BLTP1: variants seen among roughly 807,000 people sequenced by gnomAD.
BLTP1 encodes bridge-like lipid transfer protein family member 1.
the BLTP1 span, chr4:122,246,591 A>G: frequency 2.2e-5 from 31 of 1,423,946 alleles, no homozygotes; most frequent in African/African-American, 2.8e-5. Flanking sequence ...TAGATATGCC[A>G]TTCTTAACAG....
the BLTP1 span, among the ~76,000 whole-genome samples, chr4:122,352,339 T>C: frequency 7.3e-5 from 11 of 151,616 alleles, no homozygotes; most frequent in Admixed American, 3.3e-4. Flanking sequence ...TACAGACATA[T>C]TAGGTTTTGG....
At chr4:122,362,393 A>G in the BLTP1 span, 1 of 632,128 alleles carries the variant, frequency 1.6e-6, no homozygotes, top group South Asian at 2.1e-5. Flanking sequence ...AACCTGTTCT[A>G]GTTCCATCAT....
At chr4:122,209,092 CGTAA>C in the BLTP1 span, 9,424 of 1,420,068 alleles carry the variant, frequency 6.6e-3, 562 homozygotes, top group African/African-American at 0.13. Context: ...CAGGTTTGCC[CGTAA>C]GTATTAACCA....
the BLTP1 span, chr4:122,211,135 G>T: frequency 9.9e-6 from 15 of 1,518,390 alleles, no homozygotes; most frequent in Non-Finnish European, 1.3e-5. Flanking sequence ...TTTAAATATA[G>T]ACAAAGCAAT....
chr4:122,334,489 C>T, the BLTP1 span: 1 of 1,612,748 alleles, frequency 6.2e-7, no homozygotes, highest in Non-Finnish European at 8.5e-7. Context: ...TTACCTTCCA[C>T]TGTCCAGAGC....
chr4:122,209,693 G>A, the BLTP1 span: 2 of 1,215,722 alleles, frequency 1.6e-6, no homozygotes, highest in South Asian at 1.5e-5. Flanking sequence ...AGTATTTTGT[G>A]CTTATATGTG....
At chr4:122,236,526 C>T in the BLTP1 span, among the ~76,000 whole-genome samples, 2 of 152,138 alleles carry the variant, frequency 1.3e-5, no homozygotes, top group African/African-American at 4.8e-5. Context: ...TGAGGCCTGT[C>T]AGTGAGACTG....
chr4:122,304,884 T>C, the BLTP1 span: 1 of 1,613,996 alleles, frequency 6.2e-7, no homozygotes, highest in African/African-American at 1.3e-5. Flanking sequence ...CTAACCGACT[T>C]CAAACCAAAG....
At chr4:122,258,924 G>T in the BLTP1 span, 2 of 750,972 alleles carry the variant, frequency 2.7e-6, no homozygotes, top group Non-Finnish European at 4.3e-6. Context: ...TAAATGTTAG[G>T]TGTCCACCCT....
At chr4:122,255,077 T>A in the BLTP1 span, 1 of 1,540,272 alleles carries the variant, frequency 6.5e-7, no homozygotes, top group Non-Finnish European at 8.8e-7. Flanking sequence ...GTCTTTTATT[T>A]GTAGGCTCTT....
At chr4:122,250,076 T>C in the BLTP1 span, 3 of 780,488 alleles carry the variant, frequency 3.8e-6, no homozygotes, top group Non-Finnish European at 4.7e-6. Flanking sequence ...TTATATTTGC[T>C]TTTTTATATA....
At chr4:122,350,897 G>A in the BLTP1 span, among the ~76,000 whole-genome samples, 2 of 152,090 alleles carry the variant, frequency 1.3e-5, no homozygotes. Flanking sequence ...ATTCACAGAG[G>A]TCTACTACAG....
At chr4:122,309,379 CT>C in the BLTP1 span, 3 of 1,613,504 alleles carry the variant, frequency 1.9e-6, no homozygotes, top group Non-Finnish European at 2.5e-6. Context: ...ATTTCAAAAA[CT>C]TTTGTATCCG....
the BLTP1 span, among the ~76,000 whole-genome samples, chr4:122,313,116 A>G: frequency 2.1e-3 from 314 of 152,342 alleles, 4 homozygotes; most frequent in African/African-American, 7.1e-3. Context: ...TGAGATTGAC[A>G]TCATAGCCTT....
At chr4:122,348,614 G>A in the BLTP1 span, 1 of 1,609,556 alleles carries the variant, frequency 6.2e-7, no homozygotes, top group Non-Finnish European at 8.5e-7. Flanking sequence ...AAACAAAGCA[G>A]CAAGCCAACA....
the BLTP1 span, chr4:122,245,021 T>TA: frequency 6.2e-7 from 1 of 1,608,296 alleles, no homozygotes. Flanking sequence ...TCCCCTCAGA[T>TA]ATATTGAAGC....
At chr4:122,183,149 A>T in the BLTP1 span, 5 of 463,920 alleles carry the variant, frequency 1.1e-5, no homozygotes, top group Non-Finnish European at 1.4e-5. Flanking sequence ...CAACCTGGAT[A>T]ACATAGTGAA....
the BLTP1 span, chr4:122,204,616 G>A: frequency 1.0e-6 from 1 of 975,192 alleles, no homozygotes; most frequent in Non-Finnish European, 1.2e-6. Flanking sequence ...TTAGCAGAGA[G>A]GATATGAAAG....
the BLTP1 span, chr4:122,308,003 G>A: frequency 5.6e-6 from 9 of 1,613,368 alleles, no homozygotes; most frequent in Non-Finnish European, 7.6e-6. Flanking sequence ...AATGAACAAC[G>A]AATGGCTTTA....
Sources: gnomAD v4.1 joint callset for allele counts (sites outside exome capture counted in the v4.1 genomes callset) on GRCh38, gnomAD v4.1.1 for gene constraint, MANE v1.5 for transcripts, NCBI Gene and HGNC (gene_info 2026-07-23, HGNC 2026-07-21) for gene names.